The following SLC44A3 variants were observed in gnomAD, a reference collection of about 807,000 sequenced individuals.
SLC44A3 encodes solute carrier family 44 member 3.
In SLC44A3, 74 loss-of-function variants were observed where a neutral mutation model predicts 75.4. The ratio of observed to expected loss-of-function variants is 0.98; its 90% CI spans 0.81 to 1.19. The LOEUF is 1.19. SLC44A3 is among the 50% of genes most tolerant of loss of function. SLC44A3 has a pLI of 0.00. For missense variants in SLC44A3, 700 were observed against 778.6 expected (o/e 0.90, Z 1.20); for synonymous variants, 310 against 296.9 (o/e 1.04, Z -0.45).
At chr1:94,892,969 CAGT>C (rs1670387800) in intron 14 of SLC44A3, among the ~76,000 whole-genome samples, 1 of 152,214 alleles carries the variant, frequency 6.6e-6, no homozygotes, top group African/African-American at 2.4e-5. Context: ...TCCTCTGTGC[CAGT>C]ATTGACAGAT....
At chr1:94,851,952 G>A (rs562235644) in intron 9 of SLC44A3, among the ~76,000 whole-genome samples, 1 of 152,338 alleles carries the variant, frequency 6.6e-6, no homozygotes, top group South Asian at 2.1e-4. Flanking sequence ...TTTAAAGCTT[G>A]CTAATAATAT....
chr1:94,841,052 C>T (rs1663561442), intron 7 of SLC44A3, among the ~76,000 whole-genome samples: 1 of 152,216 alleles, frequency 6.6e-6, no homozygotes, highest in South Asian at 2.1e-4. Context: ...GGTGCACTTA[C>T]ACAAACCTAG....
At chr1:94,879,194 C>T (rs1230668707) in intron 12 of SLC44A3, among the ~76,000 whole-genome samples, 2 of 146,594 alleles carry the variant, frequency 1.4e-5, no homozygotes, top group African/African-American at 5.0e-5. Context: ...TAAGGAACTT[C>T]TACAATTTAA....
At chr1:94,832,855 C>G (rs1302543071) in intron 5 of SLC44A3, among the ~76,000 whole-genome samples, 1 of 152,124 alleles carries the variant, frequency 6.6e-6, no homozygotes, top group Non-Finnish European at 1.5e-5. Flanking sequence ...TGCCTTTAGT[C>G]CTAGCTGAAG....
chr1:94,856,504 A>G (rs1214988730), intron 9 of SLC44A3, among the ~76,000 whole-genome samples: 3 of 152,214 alleles, frequency 2.0e-5, no homozygotes, highest in Non-Finnish European at 2.9e-5. Flanking sequence ...TTGAGATAAC[A>G]AAGACCCTTG....
chr1:94,820,823 TATTA>T, intron 1 of SLC44A3, 122 bp from the exon 2 acceptor site: 1 of 1,303,928 alleles, frequency 7.7e-7, no homozygotes, highest in Non-Finnish European at 1.0e-6. Context: ...AAAAAAATAA[TATTA>T]ATTTTAAAAA....
At chr1:94,865,442 G>A (rs987485956) in intron 11 of SLC44A3, among the ~76,000 whole-genome samples, 14 of 152,254 alleles carry the variant, frequency 9.2e-5, no homozygotes, top group African/African-American at 2.4e-4. Context: ...GTGTACATGC[G>A]TGTGTACACA....
intron 5 of SLC44A3, among the ~76,000 whole-genome samples, chr1:94,830,626 T>TA (rs1300226225): frequency 5.9e-5 from 9 of 151,500 alleles, no homozygotes; most frequent in Non-Finnish European, 8.8e-5. Flanking sequence ...GAACCCAATT[T>TA]AAAAAAAAAC....
chr1:94,871,775 TACA>T lies in SLC44A3; in HGVS notation c.1482+4363_1482+4365del, dbSNP rs564700558. ...ATTCCATAGGTTTTTCATTTTTGCA[TACA>T]ACAAGGAGCTGTTTGCCAATCAATA... On this transcript the variant is annotated intron_variant, in intron 12 of 14. Transcript: ENST00000271227. Among the ~76,000 whole-genome samples the T allele has an allele frequency of 9.8e-5, 15 of 152,382 alleles. No individual in the cohort carries two copies. In the East Asian group the frequency reaches 1.7e-3, roughly 18 times the overall value.
intron 11 of SLC44A3, 28 bp from the exon 12 acceptor site, chr1:94,867,303 C>G: frequency 6.6e-7 from 1 of 1,518,608 alleles, no homozygotes; most frequent in South Asian, 1.3e-5. Context: ...GTTTTTGACT[C>G]TGTTCCTTTG....
At chr1:94,848,675 C>A (rs1216106374) in intron 9 of SLC44A3, among the ~76,000 whole-genome samples, 1 of 152,092 alleles carries the variant, frequency 6.6e-6, no homozygotes, top group Non-Finnish European at 1.5e-5. Flanking sequence ...CTGAGCACGG[C>A]ACTAGGGAGA....
rs114706419 is a variant in SLC44A3 at position 94,849,079 on chromosome 1, T to C, written c.1072+3615T>C. ...TTAACTGCCAGCCTGTGCCCCTGAC[T>C]AGGTCTAGGTTGGGCCCAGGGCTTA... On this transcript the variant is annotated intron_variant, in intron 9 of 14. Coordinates refer to ENST00000271227, the MANE Select transcript of SLC44A3 (RefSeq NM_001114106.3). Among the ~76,000 whole-genome samples the C allele has an allele frequency of 9.0e-3, 1,372 of 152,172 alleles. 13 individuals carry two copies. Among genetic ancestry groups the C allele is most frequent in the Admixed American group, 0.016 (240 of 15,298 alleles).
intron 9 of SLC44A3, among the ~76,000 whole-genome samples, chr1:94,850,083 A>G (rs927177937): frequency 6.6e-6 from 1 of 152,138 alleles, no homozygotes; most frequent in Admixed American, 6.5e-5. Context: ...TTTTTACTGC[A>G]TTAAAAAAAA....
chr1:94,878,163 G>GA (rs558103686), intron 12 of SLC44A3, among the ~76,000 whole-genome samples: 1,976 of 152,090 alleles, frequency 0.013, 27 homozygotes, highest in African/African-American at 0.044. Context: ...GAACCCCAGG[G>GA]GGCGGAGCCT....
intron 12 of SLC44A3, among the ~76,000 whole-genome samples, chr1:94,884,400 T>G (rs1669338539): frequency 1.3e-5 from 2 of 152,178 alleles, no homozygotes; most frequent in African/African-American, 4.8e-5. Flanking sequence ...TTCCTGCCAG[T>G]TTTACTGTAG....
At chr1:94,840,550 A>C (rs859116) in intron 7 of SLC44A3, among the ~76,000 whole-genome samples, 29,000 of 151,976 alleles carry the variant, frequency 0.19, 2,862 homozygotes, top group South Asian at 0.26. Flanking sequence ...TTGGCCTCCC[A>C]AAGTGCTGGG....
At chr1:94,820,794 G>A in intron 1 of SLC44A3, 155 bp from the exon 2 acceptor site, 1 of 1,351,830 alleles carries the variant, frequency 7.4e-7, no homozygotes, top group Admixed American at 2.9e-5. Flanking sequence ...CTGTGTGAAA[G>A]AGCTTCAGGT....
chr1:94,864,987 G>A, intron 11 of SLC44A3, 88 bp downstream of exon 11: 1 of 1,429,500 alleles, frequency 7.0e-7, no homozygotes, highest in Non-Finnish European at 9.5e-7. Context: ...TCCCAGGACA[G>A]AAATGTGACC....
intron 10 of SLC44A3, among the ~76,000 whole-genome samples, chr1:94,864,520 T>A (rs12753965): frequency 0.013 from 1,936 of 152,366 alleles, 22 homozygotes; most frequent in Non-Finnish European, 0.018. Context: ...TCAATTTTTT[T>A]AAATTTTTTC....
Sources: gnomAD v4.1 joint callset for allele counts (sites outside exome capture counted in the v4.1 genomes callset) on GRCh38, gnomAD v4.1.1 for gene constraint, MANE v1.5 for transcripts, NCBI Gene and HGNC (gene_info 2026-07-23, HGNC 2026-07-21) for gene names.